Variants in PALM2AKAP2 observed in about 807,000 individuals in gnomAD.
PALM2AKAP2 encodes the protein PALM2-AKAP2 fusion protein.
PALM2AKAP2 carries 37 observed loss-of-function variants against 71.5 expected under a neutral mutation model. That is an observed-to-expected ratio of 0.52 (90% CI 0.40 to 0.68). The LOEUF is 0.68. Ranked by LOEUF, PALM2AKAP2 falls within the 30% of genes least tolerant of loss-of-function variation. The pLI is 0.00. For synonymous variants in PALM2AKAP2, 468 were observed against 478.8 expected, an observed-to-expected ratio of 0.98 and a Z score of 0.29; for missense variants, 1,224 against 1,191.8, an observed-to-expected ratio of 1.03 and a Z score of -0.40.
At chr9:110,087,220 C>A (rs558162324) in intron 1 of PALM2AKAP2, among the ~76,000 whole-genome samples, 64 of 152,294 alleles carry the variant, frequency 4.2e-4, no homozygotes, top group Middle Eastern at 3.4e-3. Flanking sequence ...TTGATCACCC[C>A]AGGAGGAGAA....
At chr9:110,021,278 C>T (rs1588062673) in intron 7 of PALM2AKAP2, among the ~76,000 whole-genome samples, 1 of 152,170 alleles carries the variant, frequency 6.6e-6, no homozygotes, top group Non-Finnish European at 1.5e-5. Context: ...TCAAGAAACA[C>T]GTGGATCCAC....
At chr9:110,046,671 T>A (rs1055285367), upstream of PALM2AKAP2, among the ~76,000 whole-genome samples, 9 of 152,186 alleles carry the variant, frequency 5.9e-5, no homozygotes, top group Admixed American at 2.0e-4. Flanking sequence ...TTTCTCTATG[T>A]TGGTCAGGCT....
At chr9:110,058,311 T>C (rs867845369) in intron 1 of PALM2AKAP2, among the ~76,000 whole-genome samples, 4 of 151,988 alleles carry the variant, frequency 2.6e-5, no homozygotes, top group Middle Eastern at 3.2e-3. Flanking sequence ...TCCATTAGAG[T>C]TTTGAGAGTG....
intron 1 of PALM2AKAP2, among the ~76,000 whole-genome samples, chr9:110,066,700 T>TA (rs569725110): frequency 0.13 from 17,940 of 141,336 alleles, 1,150 homozygotes; most frequent in Middle Eastern, 0.23. Flanking sequence ...CATTGTCTCT[T>TA]AAAAAAAAAA....
At chr9:109,977,674 C>T (rs958175551) in intron 6 of PALM2AKAP2, among the ~76,000 whole-genome samples, 1 of 152,200 alleles carries the variant, frequency 6.6e-6, no homozygotes, top group African/African-American at 2.4e-5. Context: ...TACTGACATA[C>T]ATATCCTGAT....
At chr9:109,698,406 T>G (rs1828005371) in intron 1 of PALM2AKAP2, among the ~76,000 whole-genome samples, 1 of 151,794 alleles carries the variant, frequency 6.6e-6, no homozygotes, top group South Asian at 2.1e-4. Context: ...GCCTCCTGAG[T>G]AGCTGGGATT....
chr9:109,938,135 C>G (rs1386063196), intron 6 of PALM2AKAP2, among the ~76,000 whole-genome samples: 1 of 152,142 alleles, frequency 6.6e-6, no homozygotes, highest in Non-Finnish European at 1.5e-5. Flanking sequence ...AAACGTAAGT[C>G]TTATGTTCCT....
intron 1 of PALM2AKAP2, among the ~76,000 whole-genome samples, chr9:109,800,524 G>A (rs1827397057): frequency 1.3e-5 from 2 of 152,138 alleles, no homozygotes; most frequent in Non-Finnish European, 2.9e-5. Flanking sequence ...CGACTCACAT[G>A]TTGCCACCCT....
chr9:110,093,958 A>G (rs1185268224), intron 1 of PALM2AKAP2, among the ~76,000 whole-genome samples: 1 of 152,168 alleles, frequency 6.6e-6, no homozygotes, highest in Non-Finnish European at 1.5e-5. Context: ...TTTGTCTCCA[A>G]GGGGACATTT....
intron 3 of PALM2AKAP2, among the ~76,000 whole-genome samples, chr9:110,163,856 T>A (rs1836665012): frequency 6.6e-6 from 1 of 152,234 alleles, no homozygotes; most frequent in African/African-American, 2.4e-5. Context: ...ATTATACATG[T>A]CTCTTTATGT....
At chr9:110,036,603 T>C (rs1051283088) in intron 7 of PALM2AKAP2, among the ~76,000 whole-genome samples, 7 of 152,210 alleles carry the variant, frequency 4.6e-5, no homozygotes. Flanking sequence ...GCCACAGTGA[T>C]GTTATAAAAA....
At chr9:110,120,453 T>C (rs1377078438) in intron 1 of PALM2AKAP2, among the ~76,000 whole-genome samples, 1 of 152,232 alleles carries the variant, frequency 6.6e-6, no homozygotes, top group Non-Finnish European at 1.5e-5. Context: ...CACCTGGTTC[T>C]GGAATGAAAT....
chr9:110,010,940 G>T (rs1832870371), intron 6 of PALM2AKAP2, among the ~76,000 whole-genome samples: 1 of 134,054 alleles, frequency 7.5e-6, no homozygotes, highest in Non-Finnish European at 1.5e-5. Context: ...AGGTTGCCAT[G>T]AGCCAAGATG....
chr9:109,699,249 A>G (rs986679441), intron 1 of PALM2AKAP2, among the ~76,000 whole-genome samples: 5 of 152,248 alleles, frequency 3.3e-5, no homozygotes, highest in Non-Finnish European at 7.3e-5. Flanking sequence ...TGAAGCAAGA[A>G]TGTAGTTGAA....
chr9:110,048,698 A>G lies in PALM2AKAP2; in HGVS notation c.-2A>G, dbSNP rs778485431. ...GCGCCCGGAGGCTACCACTCCCTGC[A>G]GATGCGCTGGCCCCAGCCCGGGGCT... On this transcript the variant is annotated 5_prime_UTR_variant, in exon 1 of 4. Coordinates refer to ENST00000374525, the Ensembl canonical transcript of PALM2AKAP2. 3.9e-6 allele frequency: 6 copies of G among 1,543,706 alleles called. No individual in the cohort carries two copies. The African/African-American group carries it at 6.9e-5, about 18-fold the overall frequency.
At chr9:109,983,618 A>T (rs1309890547) in intron 6 of PALM2AKAP2, among the ~76,000 whole-genome samples, 1 of 152,184 alleles carries the variant, frequency 6.6e-6, no homozygotes, top group African/African-American at 2.4e-5. Flanking sequence ...CAATCCCAGC[A>T]CTTTGGGAGG....
intron 1 of PALM2AKAP2, among the ~76,000 whole-genome samples, chr9:110,053,395 G>T (rs930708951): frequency 2.0e-5 from 3 of 151,942 alleles, no homozygotes; most frequent in African/African-American, 7.3e-5. Flanking sequence ...AGGTGTGGTG[G>T]CAGGTGCCTG....
intron 3 of PALM2AKAP2, among the ~76,000 whole-genome samples, chr9:109,911,971 G>A (rs914841147): frequency 9.9e-5 from 15 of 152,194 alleles, no homozygotes; most frequent in African/African-American, 3.6e-4. Flanking sequence ...GGCTGGGTTG[G>A]GGGGCTGGGG....
intron 2 of PALM2AKAP2, 58 bp downstream of exon 8, chr9:110,138,597 C>G: frequency 6.7e-7 from 1 of 1,488,504 alleles, no homozygotes; most frequent in Non-Finnish European, 8.9e-7. Flanking sequence ...GTTGTTGATT[C>G]CAGCTCATGG....
Sources: allele counts gnomAD v4.1 joint callset (sites outside exome capture counted in the v4.1 genomes callset), GRCh38; gene constraint gnomAD v4.1.1; transcripts MANE v1.5; gene names NCBI Gene and HGNC (gene_info 2026-07-23, HGNC 2026-07-21).